The following WWOX variants were observed in gnomAD, a reference collection of about 807,000 sequenced individuals.
The protein encoded by WWOX is WW domain-containing oxidoreductase.
WWOX carries 69 observed loss-of-function variants against 46.2 expected under a neutral mutation model. The observed-to-expected ratio is 1.49, with a 90% CI of 1.23 to 1.82. WWOX has a LOEUF of 1.82. Ranked by LOEUF, WWOX falls within the 40% of genes most tolerant of loss-of-function variation. The pLI is 0.00. For missense variants in WWOX, 919 were observed against 542.6 expected, an observed-to-expected ratio of 1.69 and a Z score of -6.89; for synonymous variants, 359 against 202.6, an observed-to-expected ratio of 1.77 and a Z score of -6.56.
chr16:79,211,698 A>C lies in WWOX; in HGVS notation c.1147A>C (p.Met383Leu). The C allele has an allele frequency of 6.2e-7, 1 of 1,614,234 alleles. No individual in the cohort carries two copies. Among genetic ancestry groups the C allele is most frequent in the South Asian group, 1.1e-5 (1 of 91,092 alleles). ...GTACTTCAACAACTGCTGCCGCTGCATGCCCTCACCAGAAGCTCAGAGCGA... is the reference window on the plus strand; with the variant it reads ...GTACTTCAACAACTGCTGCCGCTGCCTGCCCTCACCAGAAGCTCAGAGCGA... The part of the protein sequence containing the change: ...GMYFNNCCRC[M>L]PSPEAQSEET... The change falls in exon 9 of 9, where the codon ATG becomes CTG. Residue 383 changes from methionine (M) to leucine (L), a missense_variant. Physicochemically the swap from Met to Leu is conservative, Grantham distance 15. Coordinates refer to ENST00000566780, the MANE Select transcript of WWOX (RefSeq NM_016373.4).
At chr16:78,506,741 G>A (rs1468622234) in intron 8 of WWOX, among the ~76,000 whole-genome samples, 1 of 109,950 alleles carries the variant, frequency 9.1e-6, no homozygotes, top group African/African-American at 3.8e-5. Flanking sequence ...ACAGAGTCTT[G>A]CTCTGTTGTC....
intron 6 of WWOX, 116 bp from the exon 7 acceptor site, chr16:78,424,754 T>C: frequency 8.6e-7 from 1 of 1,165,736 alleles, no homozygotes; most frequent in Admixed American, 1.7e-5. Flanking sequence ...CGAAGGAGCA[T>C]GGATTATCCT....
chr16:79,169,690 T>C (rs2050663051), intron 8 of WWOX, among the ~76,000 whole-genome samples: 1 of 152,154 alleles, frequency 6.6e-6, no homozygotes, highest in Non-Finnish European at 1.5e-5. Context: ...AAATTGCAGT[T>C]TAGAATGGAC....
At chr16:79,061,916 G>A (rs1316461202) in intron 8 of WWOX, among the ~76,000 whole-genome samples, 2 of 152,172 alleles carry the variant, frequency 1.3e-5, no homozygotes, top group African/African-American at 4.8e-5. Flanking sequence ...CAGTAACTGA[G>A]GATCACTGTG....
At chr16:78,785,373 A>G (rs1297641527) in intron 8 of WWOX, among the ~76,000 whole-genome samples, 1 of 152,208 alleles carries the variant, frequency 6.6e-6, no homozygotes, top group African/African-American at 2.4e-5. Flanking sequence ...AACTCAGTTA[A>G]GGCTGTTTGA....
intron 5 of WWOX, among the ~76,000 whole-genome samples, chr16:78,335,417 G>A (rs918749318): frequency 1.3e-5 from 2 of 152,126 alleles, no homozygotes; most frequent in Non-Finnish European, 1.5e-5. Flanking sequence ...CTAGGATAAC[G>A]GCTTCCAGCT....
At chr16:79,083,239 C>A (rs763769309) in intron 8 of WWOX, among the ~76,000 whole-genome samples, 1 of 152,100 alleles carries the variant, frequency 6.6e-6, no homozygotes, top group Admixed American at 6.5e-5. Context: ...TTGCCATTGC[C>A]ATGTGATTTG....
chr16:78,777,899 G>T (rs951815497), intron 8 of WWOX, among the ~76,000 whole-genome samples: 2 of 152,042 alleles, frequency 1.3e-5, no homozygotes, highest in African/African-American at 4.8e-5. Flanking sequence ...ATAAAAATGA[G>T]CTGGGTGTGG....
chr16:78,183,112 T>C (rs1019932036), intron 5 of WWOX, among the ~76,000 whole-genome samples: 2 of 152,138 alleles, frequency 1.3e-5, no homozygotes, highest in African/African-American at 4.8e-5. Context: ...AAGCATGTTT[T>C]GATCCTTTAT....
intron 5 of WWOX, among the ~76,000 whole-genome samples, chr16:78,292,099 T>G (rs1458786340): frequency 6.6e-6 from 1 of 151,022 alleles, no homozygotes; most frequent in Non-Finnish European, 1.5e-5. Flanking sequence ...GACAGTGTCA[T>G]TCTATTGTCC....
chr16:79,167,176 G>A (rs1946279), intron 8 of WWOX, among the ~76,000 whole-genome samples: 90,162 of 151,962 alleles, frequency 0.59, 28,024 homozygotes, highest in East Asian at 0.88. Flanking sequence ...TCATGTGCTC[G>A]AGCAATCCAC....
intron 8 of WWOX, among the ~76,000 whole-genome samples, chr16:79,006,923 C>A (rs1040621896): frequency 1.3e-5 from 2 of 152,192 alleles, no homozygotes; most frequent in Non-Finnish European, 2.9e-5. Flanking sequence ...CCAGAATCAT[C>A]TTCCTCTTTT....
chr16:78,717,103 C>G (rs77444125), intron 8 of WWOX, among the ~76,000 whole-genome samples: 4 of 152,120 alleles, frequency 2.6e-5, no homozygotes, highest in Non-Finnish European at 4.4e-5. Context: ...AGTGATTATT[C>G]CAAGAGATGG....
chr16:78,893,849 C>G (rs1440953468), intron 8 of WWOX, among the ~76,000 whole-genome samples: 1 of 152,066 alleles, frequency 6.6e-6, no homozygotes, highest in African/African-American at 2.4e-5. Context: ...CACACAGTAT[C>G]TTTTGTTTTC....
intron 5 of WWOX, among the ~76,000 whole-genome samples, chr16:78,286,779 A>G (rs914035713): frequency 4.0e-5 from 6 of 149,848 alleles, no homozygotes; most frequent in Non-Finnish European, 1.5e-5. Flanking sequence ...GCATCATAAA[A>G]TATAACTATA....
chr16:78,901,257 G>C (rs1048654387), intron 8 of WWOX, among the ~76,000 whole-genome samples: 3 of 152,174 alleles, frequency 2.0e-5, no homozygotes, highest in Admixed American at 6.5e-5. Context: ...ATCATCCAAA[G>C]GTTTGTGGGA....
chr16:79,174,649 A>C (rs181257665), intron 8 of WWOX, among the ~76,000 whole-genome samples: 5 of 152,340 alleles, frequency 3.3e-5, no homozygotes, highest in African/African-American at 9.6e-5. Flanking sequence ...ACTCCATCTC[A>C]AAAACAAAAA....
intron 8 of WWOX, among the ~76,000 whole-genome samples, chr16:78,580,650 C>G (rs900446296): frequency 5.3e-5 from 8 of 152,192 alleles, no homozygotes; most frequent in Middle Eastern, 3.2e-3. Context: ...ATAGAAACAA[C>G]TTTTGTAACA....
chr16:79,094,363 C>T (rs1166267428), intron 8 of WWOX, among the ~76,000 whole-genome samples: 1 of 151,876 alleles, frequency 6.6e-6, no homozygotes, highest in Non-Finnish European at 1.5e-5. Context: ...AATTCCCCTG[C>T]CTTAGCCTCC....
Sources: allele counts gnomAD v4.1 joint callset (sites outside exome capture counted in the v4.1 genomes callset), GRCh38; gene constraint gnomAD v4.1.1; transcripts MANE v1.5; gene names NCBI Gene and HGNC (gene_info 2026-07-23, HGNC 2026-07-21).